CLCF1: variants seen among roughly 807,000 people sequenced by gnomAD.
CLCF1 encodes the protein cardiotrophin-like cytokine factor 1.
CLCF1 carries 10 observed loss-of-function variants against 21.2 expected under a neutral mutation model. That is an observed-to-expected ratio of 0.47 (90% CI 0.29 to 0.80). CLCF1 has a LOEUF of 0.80. CLCF1 is among the 30% of genes least tolerant of loss of function. CLCF1 has a pLI of 0.09. For missense variants in CLCF1, 240 were observed against 293.4 expected (o/e 0.82, Z 1.33); for synonymous variants, 115 against 120.5 (o/e 0.95, Z 0.30).
In CLCF1 at chr11:67,369,995, C is replaced by T. The variant is rs1460707069; in HGVS notation, c.17-2369G>A. On this transcript the variant is annotated intron_variant, in intron 1 of 2. Transcript: ENST00000312438. Reference sequence around the variant, plus strand: ...CAGGAATATTTCAGTTCTGAGGTAACTGTGTCGTTGCAGGCTGCGGGTGGG... The same window carrying T: ...CAGGAATATTTCAGTTCTGAGGTAATTGTGTCGTTGCAGGCTGCGGGTGGG... The T allele has an allele frequency of 1.4e-5, 14 of 984,936 alleles. No homozygotes were observed. The South Asian group carries it at 5.6e-4, about 40-fold the overall frequency. The allele number at this position is 984,936 out of a possible 1,614,324, so 61.0% of individuals were successfully genotyped here. A position where few individuals can be genotyped will look rare whatever the true frequency, so the allele number is the denominator to read the frequency against.
chr11:67,368,167 G>T, intron 1 of CLCF1: 1 of 985,392 alleles, frequency 1.0e-6, no homozygotes. Context: ...AGGAAGCAAG[G>T]TATAGGGTTA....
chr11:67,370,517 T>G (rs1021552631), intron 1 of CLCF1: 1 of 962,580 alleles, frequency 1.0e-6, no homozygotes, highest in Non-Finnish European at 1.2e-6. Flanking sequence ...AGCTAACGAG[T>G]ACAGCTCACG....
intron 1 of CLCF1, chr11:67,368,947 T>C (rs4930197): frequency 0.9 from 841,986 of 937,724 alleles, 389,584 homozygotes; most frequent in Non-Finnish European, 0.94. Context: ...ACCTTCTCTT[T>C]CCACCACCCC....
At chr11:67,366,224 G>A (rs550532313) in intron 2 of CLCF1, among the ~76,000 whole-genome samples, 28 of 152,280 alleles carry the variant, frequency 1.8e-4, no homozygotes, top group Non-Finnish European at 1.6e-4. Flanking sequence ...GAGGCAGAGG[G>A]TGTAGACCAC....
At chr11:67,373,898 G>C, upstream of CLCF1, 1 of 928,690 alleles carries the variant, frequency 1.1e-6, no homozygotes, top group Admixed American at 5.3e-5. Context: ...TCCTGGGGGA[G>C]GGGGCGGGGA....
chr11:67,368,665 C>T (rs1862166357), intron 1 of CLCF1: 1 of 985,306 alleles, frequency 1.0e-6, no homozygotes, highest in Non-Finnish European at 1.2e-6. Flanking sequence ...GACTGGGTTA[C>T]TTTAAAAGTT....
In CLCF1 at chr11:67,364,486, A is replaced by G. The variant is rs1862058372; in HGVS notation, c.*650T>C. The G allele has an allele frequency of 6.5e-6, 1 of 152,748 alleles. No individual in the cohort carries two copies. The allele number at this position is 152,748 out of a possible 1,614,324, so 9.5% of individuals were successfully genotyped here. On this transcript the variant is annotated 3_prime_UTR_variant, in exon 3 of 3. Coordinates refer to ENST00000312438, the MANE Select transcript of CLCF1 (RefSeq NM_013246.3). The stretch of plus-strand genomic sequence containing the variant: ...AATTCGAGGCAAGGTCCTGATGCTC[A>G]GCTCGGGTTTTGTTTGCCACTCTGT...
At position 67,372,636 on chromosome 11, in the gene CLCF1, G is replaced by GCGGGGTC. The variant is rs1862262968; in HGVS notation, c.16+887_16+888insGACCCCG. On this transcript the variant is annotated intron_variant, in intron 1 of 2. Coordinates refer to ENST00000312438, the MANE Select transcript of CLCF1 (RefSeq NM_013246.3). The surrounding 1 kb of genome is among the most constrained non-coding windows in gnomAD (Gnocchi z 5.9). ...CCCCGCGGCGGGGGCGGGGGCGGGG[G>GCGGGGTC]CGGGGGCGGGGTCCGGGGCACCGGG... 6.7e-6 allele frequency among the ~76,000 whole-genome samples: 1 copy of GCGGGGTC among 149,338 alleles called. No homozygotes were observed. Among genetic ancestry groups the GCGGGGTC allele is most frequent in the Non-Finnish European group, 1.5e-5 (1 of 66,860 alleles).
At chr11:67,370,002 G>T in intron 1 of CLCF1, 2 of 985,288 alleles carry the variant, frequency 2.0e-6, no homozygotes, top group Non-Finnish European at 2.4e-6. Flanking sequence ...TAACTGTGTC[G>T]TTGCAGGCTG....
At chr11:67,367,706 T>G (rs2134883218) in intron 1 of CLCF1, 80 bp from the exon 2 acceptor site, 37 of 1,506,966 alleles carry the variant, frequency 2.5e-5, no homozygotes, top group East Asian at 1.3e-4. Context: ...CAGGTGTCTG[T>G]CCCCACCTTG....
At chr11:67,371,546 G>A (rs1182319472) in intron 1 of CLCF1, among the ~76,000 whole-genome samples, 5 of 152,204 alleles carry the variant, frequency 3.3e-5, no homozygotes, top group South Asian at 2.1e-4. Context: ...CCAAGCAAGC[G>A]AGACAGGAGT....
intron 1 of CLCF1, 98 bp downstream of exon 1, chr11:67,373,426 C>A (rs925154967): frequency 1.1e-5 from 7 of 643,204 alleles, no homozygotes; most frequent in Non-Finnish European, 1.7e-5. Flanking sequence ...CTGGCCCGGC[C>A]CCGGCGCGGG....
At chr11:67,368,550 A>C (rs11227780) in intron 1 of CLCF1, 28,168 of 985,210 alleles carry the variant, frequency 0.029, 614 homozygotes, top group East Asian at 0.1. Flanking sequence ...CTGGGATTTT[A>C]AGTGAGGACC....
chr11:67,365,750 T>C lies in CLCF1; in HGVS notation c.184-120A>G. On this transcript the variant is annotated intron_variant, in intron 2 of 2. Transcript: ENST00000312438. The surrounding 1 kb of genome is among the most constrained non-coding windows in gnomAD (Gnocchi z 5.0). ...TCCCCTGACACTGGCCCTGTCTCCA[T>C]GCTAGGCTTCTTTGTTCATGGCCTC... is the stretch of plus-strand genomic sequence containing the variant. The C allele has an allele frequency of 7.0e-7, 1 of 1,421,332 alleles. No individual in the cohort carries two copies. Among genetic ancestry groups the C allele is most frequent in the Admixed American group, 2.5e-5 (1 of 39,876 alleles). The allele number at this position is 1,421,332 out of a possible 1,614,324, so 88.0% of individuals were successfully genotyped here. A position where few individuals can be genotyped will look rare whatever the true frequency, so the allele number is the denominator to read the frequency against.
At position 67,373,508 on chromosome 11, in the gene CLCF1, G is replaced by A. The variant is rs1478780059; in HGVS notation, c.16+16C>T. ...TGGCGGGGCGGGGGTCGGGGCCTCG[G>A]CCGCCTGGCTCCTACCTGCTCGGAG... On this transcript the variant is annotated intron_variant, in intron 1 of 2. Transcript: ENST00000312438. 7 of 1,369,466 alleles carry A rather than the reference G, an allele frequency of 5.1e-6. No homozygotes were observed. Among genetic ancestry groups the A allele is most frequent in the Non-Finnish European group, 6.8e-6 (7 of 1,031,664 alleles). The allele number at this position is 1,369,466 out of a possible 1,614,324, so 84.8% of individuals were successfully genotyped here.
Position 67,364,935 on chromosome 11 carries a change from T to C in CLCF1, c.*201A>G, listed in dbSNP as rs1360626859. The C allele has an allele frequency of 3.9e-6, 3 of 762,694 alleles. No individual in the cohort carries two copies. The highest frequency in any genetic ancestry group is 1.8e-5 in the South Asian group (1 of 54,730). The allele number at this position is 762,694 out of a possible 1,614,324, so 47.2% of individuals were successfully genotyped here. ...AGAAACAGGACAGGACAGGGCCTAC[T>C]GTACCTCCTCCCCAGCTCGGTAGAC... On this transcript the variant is annotated 3_prime_UTR_variant, in exon 3 of 3. Transcript: ENST00000312438.
rs983554417 is a variant in CLCF1, at chr11:67,365,515, T to C, written c.299A>G (p.Lys100Arg). 3.7e-6 allele frequency: 6 copies of C among 1,614,096 alleles called. No individual in the cohort carries two copies. Among genetic ancestry groups the C allele is most frequent in the Non-Finnish European group, 5.1e-6 (6 of 1,179,952 alleles). Residue 100 changes from lysine to arginine, a missense_variant, in exon 3 of 3, where the codon AAA (lysine) becomes AGA (arginine). Physicochemically the swap from Lys to Arg is conservative, Grantham distance 26. Coordinates refer to ENST00000312438, the MANE Select transcript of CLCF1 (RefSeq NM_013246.3). The surrounding 1 kb of genome is among the most constrained non-coding windows in gnomAD (Gnocchi z 5.0). ...DLEVWRSLND[K>R]LRLTQNYEAY... ...CTCGTAGTTCTGGGTCAGCCGCAGT[T>C]TGTCATTGAGGCTTCGCCACACCTC...
intron 1 of CLCF1, 191 bp from the exon 2 acceptor site, chr11:67,367,817 A>G (rs927990126): frequency 6.1e-6 from 6 of 985,292 alleles, no homozygotes; most frequent in African/African-American, 5.2e-5. Flanking sequence ...AGGCATGTGT[A>G]TGTTTGAGGA....
At position 67,372,683 on chromosome 11, in the gene CLCF1, G is replaced by C. The variant is rs1287953166; in HGVS notation, c.16+841C>G. Among the ~76,000 whole-genome samples, 1 of 150,010 alleles carries C rather than the reference G, an allele frequency of 6.7e-6. No homozygotes were observed. The highest frequency in any genetic ancestry group is 2.0e-4 in the East Asian group (1 of 5,008). On this transcript the variant is annotated intron_variant, in intron 1 of 2. Transcript: ENST00000312438. This position sits in a 1 kb window ranked among gnomAD's most constrained non-coding sequence, Gnocchi z 5.9. The stretch of plus-strand genomic sequence containing the variant: ...CGGGCTCCGGGCTCTGCCCGGCGCT[G>C]CCCTTTCCCGCGCGTCAACTCCCCT...
Sources: gnomAD v4.1 joint callset for allele counts (sites outside exome capture counted in the v4.1 genomes callset) on GRCh38, gnomAD v4.1.1 for gene constraint, Gnocchi (gnomAD v3.1) non-coding constraint, MANE v1.5 for transcripts, NCBI Gene and HGNC (gene_info 2026-07-23, HGNC 2026-07-21) for gene names.